The following DIP2C variants were observed in gnomAD, a reference collection of about 807,000 sequenced individuals.
DIP2C encodes the protein DIP2 acetate--CoA ligase C (putative), also known as disco-interacting protein 2 homolog C.
DIP2C carries 33 observed loss-of-function variants against 192.4 expected under a neutral mutation model. That is an observed-to-expected ratio of 0.17 (90% confidence interval 0.13 to 0.23). The LOEUF (loss-of-function observed/expected upper bound fraction) is 0.23. Ranked by LOEUF, DIP2C falls within the 10% of genes least tolerant of loss-of-function variation. The pLI is 1.00. For missense variants in DIP2C, 1,537 were observed against 2,110.1 expected, an observed-to-expected ratio of 0.73 and a Z score of 5.32; for synonymous variants, 979 against 864.1, an observed-to-expected ratio of 1.13 and a Z score of -2.33.
At chr10:405,851 C>T (rs908099397) in intron 9 of DIP2C, among the ~76,000 whole-genome samples, 4 of 152,226 alleles carry the variant, frequency 2.6e-5, no homozygotes, top group African/African-American at 9.6e-5. Flanking sequence ...GCCCTGCTGT[C>T]CAGGCGAAAG....
At chr10:326,664 G>C (rs890168296) in intron 31 of DIP2C, among the ~76,000 whole-genome samples, 1 of 152,214 alleles carries the variant, frequency 6.6e-6, no homozygotes, top group Non-Finnish European at 1.5e-5. Context: ...GTCTACACGC[G>C]TGGGACTAAG....
At chr10:612,330 C>T (rs1177447236) in intron 1 of DIP2C, among the ~76,000 whole-genome samples, 1 of 152,052 alleles carries the variant, frequency 6.6e-6, no homozygotes, top group Non-Finnish European at 1.5e-5. Context: ...CTTAATTCTT[C>T]ACCGATGTCA....
Position 659,606 on chromosome 10 carries a change from T to G in DIP2C, c.85+29888A>C, listed in dbSNP as rs1388334352. Among the ~76,000 whole-genome samples the G allele has an allele frequency of 2.6e-5, 4 of 152,202 alleles. No homozygotes were observed. The East Asian group carries it at 7.7e-4, about 29-fold the overall frequency. On this transcript the variant is annotated intron_variant, in intron 1 of 36. Coordinates refer to ENST00000280886, the MANE Select transcript of DIP2C (RefSeq NM_014974.3). ...AGGCACACATGCCTGAAGACCCTCTTCTGTAAAGGTATTCTCAAACTTGAA... is the reference window on the plus strand; with the variant it reads ...AGGCACACATGCCTGAAGACCCTCTGCTGTAAAGGTATTCTCAAACTTGAA...
chr10:661,970 C>G, intron 1 of DIP2C: 2 of 705,140 alleles, frequency 2.8e-6, no homozygotes, highest in East Asian at 5.4e-5. Context: ...GGCACTGAAT[C>G]GCTCAGCTCA....
intron 24 of DIP2C, among the ~76,000 whole-genome samples, chr10:351,219 G>A (rs1589574342): frequency 6.6e-6 from 1 of 152,158 alleles, no homozygotes; most frequent in Non-Finnish European, 1.5e-5. Flanking sequence ...CTATTCATCG[G>A]CGATGCTGGG....
chr10:589,873 G>A (rs1358294994), intron 1 of DIP2C, among the ~76,000 whole-genome samples: 1 of 152,178 alleles, frequency 6.6e-6, no homozygotes, highest in Non-Finnish European at 1.5e-5. Context: ...GCCACAACAT[G>A]AGACCAATGT....
In DIP2C at chr10:655,710, T is replaced by C. The variant is rs117577127; in HGVS notation, c.85+33784A>G. Among the ~76,000 whole-genome samples, 636 of 152,136 alleles carry C rather than the reference T, an allele frequency of 4.2e-3. 7 individuals carry two copies. Among genetic ancestry groups the C allele is most frequent in the Admixed American group, 7.2e-3 (110 of 15,258 alleles). On this transcript the variant is annotated intron_variant, in intron 1 of 36. Transcript: ENST00000280886. The stretch of plus-strand genomic sequence containing the variant: ...AGTTCAACTGTATACTCTACAATAC[T>C]ATCCCACTTGTTCTATTCTAGACTA...
intron 2 of DIP2C, among the ~76,000 whole-genome samples, chr10:476,174 C>T (rs982767445): frequency 6.6e-6 from 1 of 152,158 alleles, no homozygotes; most frequent in East Asian, 1.9e-4. Context: ...TTCACACACT[C>T]AAGAGTCTGG....
At chr10:430,988 T>G (rs1280121159) in intron 4 of DIP2C, among the ~76,000 whole-genome samples, 1 of 152,258 alleles carries the variant, frequency 6.6e-6, no homozygotes, top group East Asian at 1.9e-4. Context: ...TTTGCTGCAC[T>G]GTATTGCCTT....
chr10:556,949 C>A (rs899073598), intron 1 of DIP2C, among the ~76,000 whole-genome samples: 2 of 152,130 alleles, frequency 1.3e-5, no homozygotes, highest in South Asian at 4.1e-4. Context: ...CAGCTCACAG[C>A]CAGATTCTGC....
chr10:347,378 T>C (rs547194326), intron 26 of DIP2C, among the ~76,000 whole-genome samples: 15 of 130,998 alleles, frequency 1.1e-4, no homozygotes, highest in South Asian at 2.6e-4. Context: ...TCGCGCATAG[T>C]TCTCCCGGAA....
intron 11 of DIP2C, 86 bp from the exon 12 acceptor site, chr10:390,459 A>T: frequency 7.7e-7 from 1 of 1,305,468 alleles, no homozygotes; most frequent in Non-Finnish European, 1.1e-6. Flanking sequence ...GTACCCTTTC[A>T]AACACGTCAA....
At chr10:451,952 A>G (rs922387788) in intron 3 of DIP2C, among the ~76,000 whole-genome samples, 2 of 152,214 alleles carry the variant, frequency 1.3e-5, no homozygotes, top group African/African-American at 2.4e-5. Flanking sequence ...CAGTAACAGA[A>G]GAATACTTCT....
In DIP2C at chr10:390,071, C is replaced by G; in HGVS notation, c.1517G>C (p.Ser506Thr). ...CCTCGTCACCGTCACACCCAGCACA[C>G]TGCCATCCTTACACGTCTTGTACTG... ...YIEYKTCKDG[S>T]VLGVTVTRTA... The change falls in exon 13 of 37, where the codon AGT (serine) becomes ACT (threonine). Residue 506 changes from serine to threonine, a missense_variant. Around this residue, in one of 4 missense-constraint regions of DIP2C, gnomAD observed 677 missense variants for 989.9 expected, o/e 0.68. Coordinates refer to ENST00000280886, the MANE Select transcript of DIP2C (RefSeq NM_014974.3). 1 of 1,614,134 alleles carries G rather than the reference C, an allele frequency of 6.2e-7. No individual in the cohort carries two copies. The highest frequency in any genetic ancestry group is 1.1e-5 in the South Asian group (1 of 91,060).
At chr10:569,669 C>T (rs1849663420) in intron 1 of DIP2C, among the ~76,000 whole-genome samples, 4 of 152,122 alleles carry the variant, frequency 2.6e-5, no homozygotes, top group Admixed American at 2.6e-4. Context: ...TTAACTACTG[C>T]TGCAAAATAA....
intron 29 of DIP2C, among the ~76,000 whole-genome samples, chr10:335,389 A>G (rs544381054): frequency 6.6e-6 from 1 of 152,342 alleles, no homozygotes; most frequent in South Asian, 2.1e-4. Context: ...CTAAGCCATC[A>G]AAATCAGAAA....
At chr10:487,151 C>A (rs1030289626) in intron 1 of DIP2C, among the ~76,000 whole-genome samples, 1 of 152,198 alleles carries the variant, frequency 6.6e-6, no homozygotes, top group Admixed American at 6.5e-5. Context: ...CCATGCCTTT[C>A]CTGGAGCCAG....
rs140993183 is a variant in DIP2C, at chr10:312,439, C to T, written c.3925-2347G>A. Among the ~76,000 whole-genome samples the T allele has an allele frequency of 3.7e-3, 561 of 152,242 alleles. 5 individuals carry two copies. Among genetic ancestry groups the T allele is most frequent in the African/African-American group, 0.012 (489 of 41,538 alleles). Reference sequence around the variant, plus strand: ...GATGCACACCTGTGCTTTGTGTGTACGGCCCGGCACCCACCCACAACCCCA... The same window carrying T: ...GATGCACACCTGTGCTTTGTGTGTATGGCCCGGCACCCACCCACAACCCCA... On this transcript the variant is annotated intron_variant, in intron 31 of 36. Transcript: ENST00000280886.
At chr10:580,433 A>G (rs1243097989) in intron 1 of DIP2C, among the ~76,000 whole-genome samples, 3 of 152,214 alleles carry the variant, frequency 2.0e-5, no homozygotes, top group East Asian at 3.8e-4. Context: ...AGGTACATAT[A>G]TGGCGTTAAA....
Sources: gnomAD v4.1 joint callset for allele counts (sites outside exome capture counted in the v4.1 genomes callset) on GRCh38, gnomAD v4.1.1 for gene constraint, gnomAD v4.1.1 regional missense constraint, MANE v1.5 for transcripts, NCBI Gene and HGNC (gene_info 2026-07-23, HGNC 2026-07-21) for gene names.